Variants in PDS5A observed in about 807,000 individuals in gnomAD.
The protein encoded by PDS5A is sister chromatid cohesion protein PDS5 homolog A.
PDS5A carries 42 observed loss-of-function variants against 167.1 expected under a neutral mutation model. The ratio of observed to expected loss-of-function variants is 0.25; its 90% CI spans 0.20 to 0.33. PDS5A has a LOEUF of 0.33. PDS5A is among the 10% of genes least tolerant of loss of function. The pLI, the probability that PDS5A is intolerant of heterozygous loss-of-function variation, is 1.00. For missense variants in PDS5A, 1,033 were observed against 1,605.9 expected (o/e 0.64, Z 6.10); for synonymous variants, 553 against 554.6 (o/e 1.00, Z 0.04).
At chr4:39,888,968 G>A (rs374995106) in intron 17 of PDS5A, among the ~76,000 whole-genome samples, 12 of 152,158 alleles carry the variant, frequency 7.9e-5, no homozygotes, top group East Asian at 5.8e-4. Context: ...TTCACAAATT[G>A]TATAAATGTA....
chr4:39,939,206 C>A (rs574518226), intron 2 of PDS5A, among the ~76,000 whole-genome samples: 1 of 151,916 alleles, frequency 6.6e-6, no homozygotes, highest in Non-Finnish European at 1.5e-5. Context: ...GGCTCATGCC[C>A]GTAATCACAC....
intron 2 of PDS5A, among the ~76,000 whole-genome samples, chr4:39,934,688 A>C (rs551178297): frequency 2.6e-3 from 376 of 144,266 alleles, no homozygotes; most frequent in Non-Finnish European, 3.9e-3. Context: ...CTAGGTTTTT[A>C]TAATATTGAT....
chr4:39,844,670 G>C lies in PDS5A; in HGVS notation c.3534C>G (p.Thr1178=). 2 of 1,607,100 alleles carry C rather than the reference G, an allele frequency of 1.2e-6. No individual in the cohort carries two copies. The highest frequency in any genetic ancestry group is 1.7e-6 in the Non-Finnish European group (2 of 1,178,060). The part of the protein sequence containing the change: ...INVNSELNPS[T]GNRSREQSSE... ...AGAAAAGTTGCCTTGATCGATTTCC[G>C]GTTGAAGGGTTCAGCTCTGAATTTA... Residue 1178 remains threonine, a synonymous_variant, in exon 30 of 33, where the codon ACC becomes ACG. Coordinates refer to ENST00000303538, the MANE Select transcript of PDS5A (RefSeq NM_001100399.2).
chr4:39,977,574 GCCGCCGC>G lies in PDS5A; in HGVS notation c.-165_-159del. 1 of 162,372 alleles carries G rather than the reference GCCGCCGC, an allele frequency of 6.2e-6. No individual in the cohort carries two copies. The highest frequency in any genetic ancestry group is 1.3e-5 in the Non-Finnish European group (1 of 76,902). The allele number at this position is 162,372 out of a possible 1,614,324, so 10.1% of individuals were successfully genotyped here. A position where few individuals can be genotyped will look rare whatever the true frequency, so the allele number is the denominator to read the frequency against. Reference sequence around the variant, plus strand: ...CTCCGCGGGTCCCGCCGCCGCCGCCGCCGCCGCCCGCCCGCCCGGGAGCGGCGCTGGG... The same window carrying G: ...CTCCGCGGGTCCCGCCGCCGCCGCCGCCGCCCGCCCGGGAGCGGCGCTGGG... On this transcript the variant is annotated 5_prime_UTR_variant, in exon 1 of 33. Transcript: ENST00000303538. This position sits in a 1 kb window ranked among gnomAD's most constrained non-coding sequence, Gnocchi z 4.2.
intron 11 of PDS5A, among the ~76,000 whole-genome samples, chr4:39,904,965 C>T (rs1279919520): frequency 6.6e-6 from 1 of 152,198 alleles, no homozygotes; most frequent in Non-Finnish European, 1.5e-5. Flanking sequence ...CCAGTTACAT[C>T]CCTTTAGATG....
chr4:39,834,805 C>T (rs1716244094), intron 32 of PDS5A, among the ~76,000 whole-genome samples: 1 of 152,110 alleles, frequency 6.6e-6, no homozygotes, highest in African/African-American at 2.4e-5. Flanking sequence ...ACAACCATTA[C>T]CACCATCCAT....
intron 32 of PDS5A, among the ~76,000 whole-genome samples, chr4:39,829,780 T>C (rs1415467197): frequency 6.6e-6 from 1 of 151,442 alleles, no homozygotes; most frequent in African/African-American, 2.4e-5. Flanking sequence ...TGAAACCCTG[T>C]CTCCACTAAA....
At chr4:39,922,859 A>G (rs1408797544) in intron 5 of PDS5A, 111 bp from the exon 6 acceptor site, 16 of 1,248,152 alleles carry the variant, frequency 1.3e-5, no homozygotes, top group Non-Finnish European at 1.6e-5. Flanking sequence ...TCACATGTAA[A>G]GGATTTTCAC....
chr4:39,905,912 T>G (rs944387181), intron 11 of PDS5A, among the ~76,000 whole-genome samples: 1 of 148,952 alleles, frequency 6.7e-6, no homozygotes, highest in African/African-American at 2.5e-5. Flanking sequence ...AATGATTCAA[T>G]CTGAGGAAAC....
intron 2 of PDS5A, among the ~76,000 whole-genome samples, chr4:39,956,605 T>G: frequency 6.6e-6 from 1 of 152,020 alleles, no homozygotes; most frequent in East Asian, 1.9e-4. Flanking sequence ...TTTATTTTAT[T>G]ACTACCTGGT....
intron 26 of PDS5A, among the ~76,000 whole-genome samples, chr4:39,855,509 TGAG>T (rs1718460220): frequency 6.6e-6 from 1 of 152,202 alleles, no homozygotes; most frequent in African/African-American, 2.4e-5. Flanking sequence ...GAATTAACCC[TGAG>T]GAGGCCCAGA....
chr4:39,866,061 GAAC>G (rs754738908), intron 23 of PDS5A, among the ~76,000 whole-genome samples: 37 of 152,134 alleles, frequency 2.4e-4, no homozygotes, highest in South Asian at 8.3e-4. Context: ...CAAATCTGTA[GAAC>G]AACAAGAAGG....
chr4:39,902,939 C>T (rs1560468470), intron 12 of PDS5A, among the ~76,000 whole-genome samples: 1 of 152,188 alleles, frequency 6.6e-6, no homozygotes, highest in African/African-American at 2.4e-5. Context: ...GGAAAGCTTT[C>T]AGTACAGTTT....
At chr4:39,855,519 C>A (rs946083096) in intron 26 of PDS5A, among the ~76,000 whole-genome samples, 1 of 152,184 alleles carries the variant, frequency 6.6e-6, no homozygotes, top group African/African-American at 2.4e-5. Context: ...TGAGGAGGCC[C>A]AGATTTTAGA....
At position 39,837,971 on chromosome 4, in the gene PDS5A, C is replaced by T. The variant is rs781346079; in HGVS notation, c.3895G>A (p.Ala1299Thr). The change falls in exon 32 of 33, where the codon GCT (alanine) becomes ACT (threonine). Residue 1299 changes from alanine to threonine, a missense_variant. Ala to Thr is a moderately conservative substitution (Grantham distance 58, BLOSUM62 0). Transcript: ENST00000303538. ...NKPINKGRKR[A>T]AVGQESPGGL... ...CCAGGGCTCTCCTGACCCACTGCAG[C>T]TCTCTTCCTTCCCTTGTTAATAGGT... 1.9e-6 allele frequency: 3 copies of T among 1,614,014 alleles called. No homozygotes were observed. The highest frequency in any genetic ancestry group is 1.1e-5 in the South Asian group (1 of 91,082).
At chr4:39,974,363 CCAA>C in intron 2 of PDS5A, 1 of 439,018 alleles carries the variant, frequency 2.3e-6, no homozygotes. Flanking sequence ...ACCAAATTAT[CCAA>C]CATTAGAATT....
intron 26 of PDS5A, among the ~76,000 whole-genome samples, chr4:39,860,378 T>C (rs572524187): frequency 3.3e-5 from 5 of 151,620 alleles, no homozygotes; most frequent in Admixed American, 2.0e-4. Flanking sequence ...GGCATGAGAA[T>C]AGCTTTAAGT....
intron 31 of PDS5A, among the ~76,000 whole-genome samples, chr4:39,839,756 G>T (rs1231717776): frequency 3.4e-4 from 7 of 20,722 alleles, no homozygotes; most frequent in Admixed American, 1.4e-3. Flanking sequence ...TATGATTCTG[G>T]GGGGGGGGGG....
At chr4:39,869,741 T>C (rs1426968350) in intron 21 of PDS5A, among the ~76,000 whole-genome samples, 3 of 152,166 alleles carry the variant, frequency 2.0e-5, no homozygotes, top group African/African-American at 4.8e-5. Flanking sequence ...TATATGGTAA[T>C]TCATTTTTGA....
Sources: allele counts gnomAD v4.1 joint callset (sites outside exome capture counted in the v4.1 genomes callset), GRCh38; gene constraint gnomAD v4.1.1; non-coding constraint Gnocchi (gnomAD v3.1); transcripts MANE v1.5; gene names NCBI Gene and HGNC (gene_info 2026-07-23, HGNC 2026-07-21).